Variants in CSMD3 observed in about 807,000 individuals in gnomAD.
The protein encoded by CSMD3 is CUB and Sushi multiple domains 3, also known as CUB and sushi domain-containing protein 3.
CSMD3 carries 177 observed loss-of-function variants against 435.2 expected under a neutral mutation model. The observed-to-expected ratio is 0.41, with a 90% CI of 0.36 to 0.46. The LOEUF is 0.46. Among genes scored for constraint, CSMD3 ranks in the 20% least tolerant of loss-of-function variants. CSMD3 has a pLI of 0.34. For synonymous variants in CSMD3, 1,656 were observed against 1,520.5 expected, an observed-to-expected ratio of 1.09 and a Z score of -2.07; for missense variants, 4,265 against 4,504.6, an observed-to-expected ratio of 0.95 and a Z score of 1.52.
At chr8:112,762,214 C>T (rs1380333010) in intron 13 of CSMD3, among the ~76,000 whole-genome samples, 2 of 151,916 alleles carry the variant, frequency 1.3e-5, no homozygotes, top group African/African-American at 2.4e-5. Context: ...GAGAACGAGG[C>T]AGCAGATATG....
intron 5 of CSMD3, among the ~76,000 whole-genome samples, chr8:113,045,733 T>A (rs1292531611): frequency 6.7e-6 from 1 of 149,598 alleles, no homozygotes; most frequent in African/African-American, 2.4e-5. Flanking sequence ...TCCATGTTTC[T>A]TCTCAGGCTA....
At chr8:112,808,072 CAGA>C (rs1417757326) in intron 12 of CSMD3, among the ~76,000 whole-genome samples, 1 of 152,074 alleles carries the variant, frequency 6.6e-6, no homozygotes, top group African/African-American at 2.4e-5. Flanking sequence ...AGCTGTTTGT[CAGA>C]AGAATTATTT....
chr8:112,345,864 TAA>T (rs11290654), intron 41 of CSMD3, among the ~76,000 whole-genome samples: 4 of 148,324 alleles, frequency 2.7e-5, no homozygotes, highest in East Asian at 1.9e-4. Context: ...TAAATCAGAG[TAA>T]AAAAAAAATA....
chr8:112,970,198 G>A (rs371518830), intron 7 of CSMD3, among the ~76,000 whole-genome samples: 1 of 151,570 alleles, frequency 6.6e-6, no homozygotes. Flanking sequence ...CATTACATAG[G>A]TTCTTCTATT....
chr8:112,309,962 C>T (rs1821812652), intron 50 of CSMD3, among the ~76,000 whole-genome samples: 2 of 151,956 alleles, frequency 1.3e-5, no homozygotes, highest in South Asian at 4.1e-4. Flanking sequence ...GTTTATTAAC[C>T]TAGAGTATCC....
At chr8:112,955,486 T>C (rs2083982265) in intron 7 of CSMD3, among the ~76,000 whole-genome samples, 1 of 151,848 alleles carries the variant, frequency 6.6e-6, no homozygotes, top group Non-Finnish European at 1.5e-5. Flanking sequence ...GGCACATTCA[T>C]CACTGCAAAT....
At chr8:112,663,002 G>A (rs544986451) in intron 17 of CSMD3, among the ~76,000 whole-genome samples, 2,151 of 152,088 alleles carry the variant, frequency 0.014, 46 homozygotes, top group African/African-American at 0.047. Context: ...TTAGAATGGC[G>A]ATCATTAAAA....
In CSMD3 at chr8:112,281,303, G is replaced by A. The variant is rs764189970; in HGVS notation, c.9379C>T (p.Arg3127Ter). ...CTAGAAAATGTTGTGCCATCAATTCGGAAGACTTTCCCATTGGCTGTGGTT... is the reference window on the plus strand; with the variant it reads ...CTAGAAAATGTTGTGCCATCAATTCAGAAGACTTTCCCATTGGCTGTGGTT... ...PGTTANGKVFRIDGTTFSSSV... is the reference protein window; with the variant it reads ...PGTTANGKVF The change falls in exon 59 of 71, where the codon CGA (arginine) becomes TGA (stop). Residue 3127 changes from arginine to a stop codon, truncating the protein, a stop_gained. Transcript: ENST00000297405. LOFTEE classifies it high-confidence loss of function. 6.2e-7 allele frequency: 1 copy of A among 1,613,288 alleles called. No homozygotes were observed. Among genetic ancestry groups the A allele is most frequent in the Non-Finnish European group, 8.5e-7 (1 of 1,179,500 alleles).
chr8:113,207,108 T>G (rs1432163501), intron 3 of CSMD3, among the ~76,000 whole-genome samples: 1 of 152,152 alleles, frequency 6.6e-6, no homozygotes. Flanking sequence ...GTGATGATAA[T>G]GTACACTAAA....
intron 31 of CSMD3, among the ~76,000 whole-genome samples, chr8:112,480,496 T>A (rs548330901): frequency 6.6e-6 from 1 of 152,238 alleles, no homozygotes; most frequent in Non-Finnish European, 1.5e-5. Flanking sequence ...ATCCTCAATA[T>A]TGGAGGTGGG....
chr8:112,476,430 C>A (rs1306544994), intron 31 of CSMD3, among the ~76,000 whole-genome samples: 1 of 152,066 alleles, frequency 6.6e-6, no homozygotes, highest in Non-Finnish European at 1.5e-5. Flanking sequence ...GTGGGAAATA[C>A]AAATGAAGGA....
intron 3 of CSMD3, among the ~76,000 whole-genome samples, chr8:113,228,445 A>T (rs1331241146): frequency 6.6e-6 from 1 of 151,602 alleles, no homozygotes; most frequent in Non-Finnish European, 1.5e-5. Context: ...TTAGTCTCAG[A>T]TAAAAAATTC....
At chr8:113,066,312 T>C (rs71528432) in intron 5 of CSMD3, among the ~76,000 whole-genome samples, 2 of 151,886 alleles carry the variant, frequency 1.3e-5, no homozygotes, top group Non-Finnish European at 2.9e-5. Context: ...TTTTTGAATA[T>C]TAGGTGGAGG....
At chr8:112,836,832 G>A (rs1246931749) in intron 11 of CSMD3, among the ~76,000 whole-genome samples, 4 of 151,672 alleles carry the variant, frequency 2.6e-5, no homozygotes, top group Non-Finnish European at 4.4e-5. Flanking sequence ...TGAACAAATC[G>A]TTTTAATAAA....
chr8:113,047,157 C>T (rs939739018), intron 5 of CSMD3, among the ~76,000 whole-genome samples: 8 of 152,148 alleles, frequency 5.3e-5, no homozygotes, highest in African/African-American at 1.9e-4. Context: ...TGCCTGTCTC[C>T]TTTATCCCAT....
At chr8:112,364,154 C>A (rs914876399) in intron 38 of CSMD3, among the ~76,000 whole-genome samples, 6 of 151,928 alleles carry the variant, frequency 3.9e-5, no homozygotes, top group South Asian at 2.1e-4. Context: ...TGAATTGAAT[C>A]TTTTGCTATT....
chr8:113,168,297 C>G (rs1222945844), intron 4 of CSMD3, among the ~76,000 whole-genome samples: 1 of 151,886 alleles, frequency 6.6e-6, no homozygotes, highest in African/African-American at 2.4e-5. Flanking sequence ...GAGGCTAAGG[C>G]GGGCAGATCA....
chr8:113,162,350 G>C (rs775011216), intron 4 of CSMD3, among the ~76,000 whole-genome samples: 9 of 151,928 alleles, frequency 5.9e-5, no homozygotes, highest in Non-Finnish European at 1.2e-4. Flanking sequence ...TAGATCACCT[G>C]AGGTTGGGAG....
At position 113,363,777 on chromosome 8, in the gene CSMD3, T is replaced by C. The variant is rs187721630; in HGVS notation, c.179-48984A>G. Among the ~76,000 whole-genome samples, 734 of 152,292 alleles carry C rather than the reference T, an allele frequency of 4.8e-3. 12 individuals are homozygous for C. Among genetic ancestry groups the C allele is most frequent in the African/African-American group, 0.017 (707 of 41,570 alleles). On this transcript the variant is annotated intron_variant, in intron 1 of 70. Coordinates refer to ENST00000297405, the MANE Select transcript of CSMD3 (RefSeq NM_198123.2). ...ATATCTACAAAGATCTTTTTTTTCT[T>C]ACAAGTTCACATTCACAGGTTCCAA... is the stretch of plus-strand genomic sequence containing the variant.
Sources: allele counts gnomAD v4.1 joint callset (sites outside exome capture counted in the v4.1 genomes callset), GRCh38; gene constraint gnomAD v4.1.1; transcripts MANE v1.5; gene names NCBI Gene and HGNC (gene_info 2026-07-23, HGNC 2026-07-21).